Variants in MIAT observed in about 807,000 individuals in gnomAD.
MIAT encodes the protein myocardial infarction associated transcript.
intron 3 of MIAT, among the ~76,000 whole-genome samples, chr22:26,663,738 A>G (rs1930749998): frequency 6.6e-6 from 1 of 152,172 alleles, no homozygotes; most frequent in Admixed American, 6.5e-5. Context: ...ATTGAGGTAT[A>G]ATTTACATAC....
intron 2 of MIAT, among the ~76,000 whole-genome samples, chr22:26,652,099 T>C (rs112542259): frequency 2.6e-5 from 4 of 152,260 alleles, no homozygotes; most frequent in African/African-American, 9.6e-5. Context: ...GCTCAAGTGA[T>C]CCTCTTTGCT....
At chr22:26,657,910 C>T (rs1367088593) in intron 2 of MIAT, among the ~76,000 whole-genome samples, 1 of 152,150 alleles carries the variant, frequency 6.6e-6, no homozygotes, top group Non-Finnish European at 1.5e-5. Flanking sequence ...CTTTAGGAGT[C>T]CAGTGCGAAT....
chr22:26,646,913 G>A (rs1052700559), exon 1 of MIAT: 27 of 398,560 alleles, frequency 6.8e-5, no homozygotes, highest in Admixed American at 1.3e-4. Context: ...AGGAACAGAT[G>A]TTCAGAGCAA....
intron 2 of MIAT, among the ~76,000 whole-genome samples, chr22:26,656,843 G>A (rs1193424002): frequency 6.6e-6 from 1 of 152,260 alleles, no homozygotes; most frequent in East Asian, 1.9e-4. Flanking sequence ...GGAGTTCGGG[G>A]GGGTGCGGTG....
intron 2 of MIAT, among the ~76,000 whole-genome samples, chr22:26,660,082 C>T (rs560587350): frequency 2.0e-5 from 3 of 151,158 alleles, no homozygotes; most frequent in South Asian, 4.2e-4. Flanking sequence ...GTGATCTGCC[C>T]GCCTCAGCCT....
At chr22:26,665,827 G>C in exon 4 of MIAT, 1 of 398,426 alleles carries the variant, frequency 2.5e-6, no homozygotes, top group Non-Finnish European at 4.4e-6. Context: ...CACATTTGGC[G>C]TTAGGGCTAG....
intron 2 of MIAT, among the ~76,000 whole-genome samples, chr22:26,655,502 G>C (rs771479671): frequency 2.6e-5 from 4 of 152,254 alleles, no homozygotes; most frequent in South Asian, 4.1e-4. Context: ...TAAATATGTC[G>C]TGAGCCCTTA....
At chr22:26,663,432 A>G (rs759200839) in intron 3 of MIAT, 3 of 398,444 alleles carry the variant, frequency 7.5e-6, no homozygotes, top group Non-Finnish European at 1.3e-5. Context: ...TCCACTGGGG[A>G]TGGTAGAGAC....
downstream of MIAT, chr22:26,672,673 T>C (rs1931093056): frequency 2.5e-6 from 1 of 398,796 alleles, no homozygotes; most frequent in African/African-American, 2.1e-5. Context: ...GGGGGGCGTA[T>C]CCCACGAGGA....
chr22:26,657,597 C>G, intron 2 of MIAT: 1 of 398,738 alleles, frequency 2.5e-6, no homozygotes, highest in Non-Finnish European at 4.4e-6. Flanking sequence ...CAGTTCTGCG[C>G]TGTGAGCCGG....
intron 2 of MIAT, among the ~76,000 whole-genome samples, chr22:26,656,536 T>G (rs1930461338): frequency 6.6e-6 from 1 of 151,876 alleles, no homozygotes; most frequent in South Asian, 2.1e-4. Context: ...CAGGCTGGTC[T>G]TGAACTCTTG....
At chr22:26,666,411 G>A (rs930160924) in exon 4 of MIAT, 5 of 398,582 alleles carry the variant, frequency 1.3e-5, no homozygotes, top group Admixed American at 8.8e-5. Context: ...AGGCTGGGCA[G>A]AAGGGTCCCT....
exon 5 of MIAT, chr22:26,667,275 T>C (rs926841888): frequency 1.5e-5 from 6 of 398,534 alleles, no homozygotes; most frequent in Non-Finnish European, 8.8e-6. Context: ...CAGATCTTCA[T>C]GTCAGAACAC....
chr22:26,657,261 C>T, intron 2 of MIAT: 1 of 369,360 alleles, frequency 2.7e-6, no homozygotes, highest in Non-Finnish European at 4.8e-6. Flanking sequence ...GCTGAGCGCA[C>T]CGGCCAGCTA....
exon 5 of MIAT, chr22:26,667,215 C>G: frequency 2.5e-6 from 1 of 398,616 alleles, no homozygotes; most frequent in Non-Finnish European, 4.4e-6. Flanking sequence ...CTTCTCTGAG[C>G]CAGATGCTGG....
chr22:26,668,097 G>C (rs1247190453), intron 5 of MIAT: 15 of 398,184 alleles, frequency 3.8e-5, no homozygotes, highest in Non-Finnish European at 6.2e-5. Flanking sequence ...AGGCTGGGGG[G>C]ATGTGGGAAG....
chr22:26,661,961 T>TATATATATATATATATATATATAC (rs1336346956), intron 2 of MIAT, among the ~76,000 whole-genome samples: 2 of 44,014 alleles, frequency 4.5e-5, no homozygotes, highest in Non-Finnish European at 9.6e-5. Flanking sequence ...TATATATATA[T>TATATATATATATATATATATATAC]ACACACACAC....
chr22:26,656,829 C>T (rs1191410551), intron 2 of MIAT, among the ~76,000 whole-genome samples: 1 of 150,284 alleles, frequency 6.7e-6, no homozygotes, highest in East Asian at 1.9e-4. Flanking sequence ...ACTGCTTGAA[C>T]CCAGGAGTTC....
exon 6 of MIAT, chr22:26,668,229 T>A: frequency 2.5e-6 from 1 of 398,670 alleles, no homozygotes; most frequent in East Asian, 3.6e-5. Context: ...TGACCTTGGA[T>A]TCTGGCCACA....
Sources: gnomAD v4.1 joint callset for allele counts (sites outside exome capture counted in the v4.1 genomes callset) on GRCh38, gnomAD v4.1.1 for gene constraint, MANE v1.5 for transcripts, NCBI Gene and HGNC (gene_info 2026-07-23, HGNC 2026-07-21) for gene names.